Variants in MLANA observed in about 807,000 individuals in gnomAD.
The protein encoded by MLANA is melanoma antigen recognized by T-cells 1.
A neutral mutation model predicts 15.7 loss-of-function variants in MLANA; 21 were observed. That is an observed-to-expected ratio of 1.33 (90% confidence interval 0.95 to 1.92). The LOEUF is 1.92. MLANA is among the 40% of genes most tolerant of loss of function. The probability of loss-of-function intolerance (pLI) is 0.00; values close to 1 mark genes in which losing one functional copy is unlikely to be tolerated. For synonymous variants in MLANA, 56 were observed against 51.5 expected (o/e 1.09, Z -0.37); for missense variants, 164 against 143.8 (o/e 1.14, Z -0.72).
At position 5,910,398 on chromosome 9, in the gene MLANA, C is replaced by G. The variant is rs190877545; in HGVS notation, c.*1690C>G. 5.0e-4 allele frequency: 76 copies of G among 152,234 alleles called. No individual in the cohort carries two copies. The highest frequency in any genetic ancestry group is 1.7e-3 in the African/African-American group (72 of 41,536). The allele number at this position is 152,234 out of a possible 1,614,324, so 9.4% of individuals were successfully genotyped here. A position where few individuals can be genotyped will look rare whatever the true frequency, so the allele number is the denominator to read the frequency against. ...TTTAACAAAATATTAAAATATTTCC[C>G]CACTCTTCTGATACTGTCAAGTCTT... On this transcript the variant is annotated 3_prime_UTR_variant, in exon 5 of 5. Transcript: ENST00000381477.
chr9:5,902,813 T>C (rs753363968), intron 3 of MLANA, among the ~76,000 whole-genome samples: 1 of 152,174 alleles, frequency 6.6e-6, no homozygotes, highest in Non-Finnish European at 1.5e-5. Flanking sequence ...TGCTGATTTC[T>C]TGTTTTCAAT....
chr9:5,896,020 G>C (rs905737640), intron 2 of MLANA, among the ~76,000 whole-genome samples: 1 of 152,248 alleles, frequency 6.6e-6, no homozygotes, highest in African/African-American at 2.4e-5. Flanking sequence ...AACACTCCTT[G>C]TGACAGCTTC....
At chr9:5,907,097 G>A in intron 4 of MLANA, 99 bp downstream of exon 4, 1 of 772,112 alleles carries the variant, frequency 1.3e-6, no homozygotes, top group Non-Finnish European at 2.0e-6. Context: ...CAATGTGAAT[G>A]TACTCATTGC....
intron 3 of MLANA, among the ~76,000 whole-genome samples, chr9:5,903,921 G>C (rs1264583975): frequency 6.6e-6 from 1 of 151,622 alleles, no homozygotes; most frequent in Non-Finnish European, 1.5e-5. Flanking sequence ...GCAGTGGTGT[G>C]ATCTCAGCTC....
chr9:5,904,714 C>G (rs1327354326), intron 3 of MLANA, among the ~76,000 whole-genome samples: 1 of 151,614 alleles, frequency 6.6e-6, no homozygotes, highest in Non-Finnish European at 1.5e-5. Context: ...GATCCACCCA[C>G]TTGGCCTCCC....
At chr9:5,898,525 T>C (rs1349260103) in intron 3 of MLANA, among the ~76,000 whole-genome samples, 4 of 152,174 alleles carry the variant, frequency 2.6e-5, no homozygotes, top group Non-Finnish European at 4.4e-5. Context: ...GGGGGACACA[T>C]TCAAACTATA....
chr9:5,899,695 G>A (rs1223198587), intron 3 of MLANA, among the ~76,000 whole-genome samples: 1 of 152,198 alleles, frequency 6.6e-6, no homozygotes, highest in Non-Finnish European at 1.5e-5. Flanking sequence ...TTATGACATT[G>A]CCTTGTAATT....
chr9:5,904,807 T>A (rs1832691692), intron 3 of MLANA, among the ~76,000 whole-genome samples: 1 of 149,640 alleles, frequency 6.7e-6, no homozygotes, highest in Non-Finnish European at 1.5e-5. Context: ...GGAGTCTCAC[T>A]CCGTTGCCCA....
At chr9:5,906,757 G>A in intron 3 of MLANA, 128 bp from the exon 4 acceptor site, 2 of 567,538 alleles carry the variant, frequency 3.5e-6, no homozygotes, top group South Asian at 2.5e-5. Context: ...TGAGACTGAA[G>A]GCACACAGCA....
rs528192555 is a variant in MLANA at position 5,894,471 on chromosome 9, G to C, written c.77+1920G>C. Among the ~76,000 whole-genome samples, 27 of 152,306 alleles carry C rather than the reference G, an allele frequency of 1.8e-4. No homozygotes were observed. The highest frequency in any genetic ancestry group is 4.3e-4 in the African/African-American group (18 of 41,566). On this transcript the variant is annotated intron_variant, in intron 2 of 4. Transcript: ENST00000381477. The surrounding 1 kb of genome is among the most constrained non-coding windows in gnomAD (Gnocchi z 4.0). Reference sequence around the variant, plus strand: ...GGAAGGGTGAGGCCATCAGGACCTAGAGTTGGGAGGAGGGACGCCACAGAA... The same window carrying C: ...GGAAGGGTGAGGCCATCAGGACCTACAGTTGGGAGGAGGGACGCCACAGAA...
chr9:5,892,814 T>C (rs1375002446), intron 2 of MLANA, among the ~76,000 whole-genome samples: 1 of 152,216 alleles, frequency 6.6e-6, no homozygotes, highest in East Asian at 1.9e-4. Context: ...CTATTGGGTC[T>C]TATCTGTAGG....
rs559133843 is a variant in MLANA, at chr9:5,904,595, C to T, written c.175-2290C>T. ...TCAAGTGATTCTCCTGTCTCAGCCT[C>T]CTGAGTAGCTGAGATTAAAGGTGCA... is the stretch of plus-strand genomic sequence containing the variant. On this transcript the variant is annotated intron_variant, in intron 3 of 4. Transcript: ENST00000381477. Among the ~76,000 whole-genome samples the T allele has an allele frequency of 2.6e-5, 4 of 152,104 alleles. No homozygotes were observed. In the East Asian group the frequency reaches 5.8e-4, roughly 22 times the overall value.
chr9:5,900,355 T>C (rs563075132), intron 3 of MLANA, among the ~76,000 whole-genome samples: 2 of 152,254 alleles, frequency 1.3e-5, no homozygotes, highest in South Asian at 4.1e-4. Context: ...TCCTGGTTTA[T>C]TTAATTTCCA....
intron 3 of MLANA, among the ~76,000 whole-genome samples, chr9:5,900,717 CCT>C (rs1223424858): frequency 1.3e-5 from 2 of 152,112 alleles, no homozygotes; most frequent in Non-Finnish European, 2.9e-5. Flanking sequence ...TAACAATTCC[CCT>C]GAGCCCTGGA....
At chr9:5,907,213 T>C in intron 4 of MLANA, 1 of 320,590 alleles carries the variant, frequency 3.1e-6, no homozygotes, top group Non-Finnish European at 5.6e-6. Context: ...TACAGATATT[T>C]TCTTAATTGT....
At chr9:5,904,747 G>A (rs1180927511) in intron 3 of MLANA, among the ~76,000 whole-genome samples, 3 of 149,996 alleles carry the variant, frequency 2.0e-5, no homozygotes, top group Admixed American at 1.3e-4. Flanking sequence ...TTACAGGCGT[G>A]AGCCACCGCG....
In MLANA at chr9:5,907,240, T is replaced by A. The variant is rs538537603; in HGVS notation, c.288+242T>A. 2.2e-5 allele frequency: 6 copies of A among 271,962 alleles called. No individual in the cohort carries two copies. The East Asian group carries it at 3.3e-4, about 15-fold the overall frequency. 16.8% of individuals were successfully genotyped at this position (271,962 alleles called of 1,614,324 possible). ...CTTAATTGTGTTGTCACATACCCAGTGTTTCCAGGGTCAATAATGAGAGCC... is the reference window on the plus strand; with the variant it reads ...CTTAATTGTGTTGTCACATACCCAGAGTTTCCAGGGTCAATAATGAGAGCC... On this transcript the variant is annotated intron_variant, in intron 4 of 4. Coordinates refer to ENST00000381477, the MANE Select transcript of MLANA (RefSeq NM_005511.2).
intron 3 of MLANA, among the ~76,000 whole-genome samples, chr9:5,904,194 T>C (rs1832639799): frequency 6.6e-6 from 1 of 152,174 alleles, no homozygotes; most frequent in South Asian, 2.1e-4. Flanking sequence ...TGTATGTGTC[T>C]TTATATTTAA....
intron 3 of MLANA, among the ~76,000 whole-genome samples, chr9:5,902,709 G>A (rs1433215020): frequency 8.0e-5 from 12 of 150,176 alleles, no homozygotes; most frequent in African/African-American, 2.7e-4. Context: ...GTCTCACTAT[G>A]TTGCTCTGGT....
Sources: allele counts gnomAD v4.1 joint callset (sites outside exome capture counted in the v4.1 genomes callset), GRCh38; gene constraint gnomAD v4.1.1; non-coding constraint Gnocchi (gnomAD v3.1); transcripts MANE v1.5; gene names NCBI Gene and HGNC (gene_info 2026-07-23, HGNC 2026-07-21).